CTNNA3: variants seen among roughly 807,000 people sequenced by gnomAD.
The protein encoded by CTNNA3 is catenin alpha 3, also known as catenin alpha-3.
Under a neutral mutation model 95.7 loss-of-function variants are expected in CTNNA3, and 76 were observed. That is an observed-to-expected ratio of 0.79 (90% CI 0.66 to 0.96). CTNNA3 has a LOEUF of 0.96. Among genes scored for constraint, CTNNA3 ranks in the 40% least tolerant of loss-of-function variants. The pLI, the probability that CTNNA3 is intolerant of heterozygous loss-of-function variation, is 0.00. For synonymous variants in CTNNA3, 431 were observed against 374.4 expected (o/e 1.15, Z -1.74); for missense variants, 1,191 against 1,089.8 (o/e 1.09, Z -1.31).
intron 15 of CTNNA3, among the ~76,000 whole-genome samples, chr10:66,055,585 A>G (rs911265228): frequency 6.6e-6 from 1 of 152,040 alleles, no homozygotes; most frequent in Non-Finnish European, 1.5e-5. Flanking sequence ...ACTTTACTGA[A>G]TTTATCAGAT....
chr10:67,141,769 C>T (rs1055537250), intron 7 of CTNNA3, among the ~76,000 whole-genome samples: 9 of 152,014 alleles, frequency 5.9e-5, no homozygotes, highest in Non-Finnish European at 8.8e-5. Flanking sequence ...TATAAGGTCA[C>T]GACTATAAAT....
chr10:66,080,163 A>G (rs1243678957), intron 14 of CTNNA3, among the ~76,000 whole-genome samples: 1 of 152,150 alleles, frequency 6.6e-6, no homozygotes. Flanking sequence ...CAAGAACTTC[A>G]TAAATTACTG....
intron 14 of CTNNA3, among the ~76,000 whole-genome samples, chr10:66,077,451 T>C (rs567644328): frequency 3.7e-4 from 56 of 151,966 alleles, no homozygotes; most frequent in African/African-American, 1.3e-3. Flanking sequence ...TCACCACTTT[T>C]CGGACTTTCC....
At chr10:66,485,713 G>T (rs1451017276) in intron 11 of CTNNA3, among the ~76,000 whole-genome samples, 2 of 152,000 alleles carry the variant, frequency 1.3e-5, no homozygotes, top group African/African-American at 4.8e-5. Flanking sequence ...AAATTCCAAT[G>T]GTATTTTTCA....
intron 13 of CTNNA3, among the ~76,000 whole-genome samples, chr10:66,107,051 C>T (rs115799664): frequency 0.012 from 1,886 of 152,164 alleles, 44 homozygotes; most frequent in African/African-American, 0.041. Flanking sequence ...TGTCTAACAG[C>T]GAAATTATCT....
chr10:66,507,619 CTTAT>C (rs1428312223), intron 11 of CTNNA3, among the ~76,000 whole-genome samples: 1 of 152,058 alleles, frequency 6.6e-6, no homozygotes, highest in Non-Finnish European at 1.5e-5. Flanking sequence ...CCACGTCTGA[CTTAT>C]TTTACTTAAC....
chr10:67,308,795 A>C (rs565127190), intron 5 of CTNNA3, among the ~76,000 whole-genome samples: 2 of 152,340 alleles, frequency 1.3e-5, no homozygotes, highest in South Asian at 4.1e-4. Flanking sequence ...GGAGCCAGGA[A>C]GTAAGTCACT....
chr10:67,602,013 A>T (rs1415775040), intron 3 of CTNNA3, among the ~76,000 whole-genome samples: 1 of 152,222 alleles, frequency 6.6e-6, no homozygotes, highest in African/African-American at 2.4e-5. Context: ...CATAAATTAT[A>T]GTATGTCTTT....
chr10:66,561,743 A>C (rs1047903936), intron 10 of CTNNA3, among the ~76,000 whole-genome samples: 1 of 152,058 alleles, frequency 6.6e-6, no homozygotes, highest in Non-Finnish European at 1.5e-5. Flanking sequence ...TAAAAACTTT[A>C]CCTAATGGAA....
intron 13 of CTNNA3, among the ~76,000 whole-genome samples, chr10:66,114,167 C>G (rs1237467075): frequency 6.6e-6 from 1 of 152,034 alleles, no homozygotes; most frequent in African/African-American, 2.4e-5. Flanking sequence ...AACTCTATAG[C>G]CAAATAAACT....
chr10:66,360,111 G>GCCAT (rs899868867), intron 12 of CTNNA3, among the ~76,000 whole-genome samples: 5 of 152,070 alleles, frequency 3.3e-5, no homozygotes, highest in Non-Finnish European at 7.4e-5. Context: ...ACAGGCATGA[G>GCCAT]CCATCGCACC....
intron 5 of CTNNA3, among the ~76,000 whole-genome samples, chr10:67,462,208 G>A (rs1260261651): frequency 2.0e-5 from 3 of 152,150 alleles, no homozygotes; most frequent in African/African-American, 7.2e-5. Context: ...AAGTGAAAAT[G>A]TCTAGAGTGG....
In CTNNA3 at chr10:67,097,961, ATTGTT is replaced by A. The variant is rs553277532; in HGVS notation, c.1047+82351_1047+82355del. The A allele has an allele frequency of 9.1e-4, 582 of 642,700 alleles. 3 individuals carry two copies. In the African/African-American group the frequency reaches 9.5e-3, roughly 10 times the overall value. 39.8% of individuals were successfully genotyped at this position (642,700 alleles called of 1,614,324 possible). Reference sequence around the variant, plus strand: ...GATTCATGAAATAAAGAAGACATGAATTGTTTTAAGTCTACACTTTGTAATTAGCT... The same window carrying A: ...GATTCATGAAATAAAGAAGACATGAATTAAGTCTACACTTTGTAATTAGCT... On this transcript the variant is annotated intron_variant, in intron 7 of 17. Coordinates refer to ENST00000433211, the MANE Select transcript of CTNNA3 (RefSeq NM_013266.4).
chr10:66,038,829 T>A (rs1243262786), intron 15 of CTNNA3, among the ~76,000 whole-genome samples: 1 of 152,106 alleles, frequency 6.6e-6, no homozygotes, highest in Non-Finnish European at 1.5e-5. Flanking sequence ...CCTTGAAAAC[T>A]AGCACAAGAA....
chr10:66,015,267 T>A (rs2079073245), intron 15 of CTNNA3, among the ~76,000 whole-genome samples: 1 of 152,160 alleles, frequency 6.6e-6, no homozygotes, highest in African/African-American at 2.4e-5. Context: ...CAACACCTAA[T>A]AGACTAGTCT....
In CTNNA3 at chr10:67,388,281, G is replaced by A. The variant is rs1159836916; in HGVS notation, c.579+133561C>T. On this transcript the variant is annotated intron_variant, in intron 5 of 17. Transcript: ENST00000433211. ...GAAGAATGCAGAAGCCTCAGGAGCC[G>A]ATGCGATCAACTGGAAGAAAGGGTA... Among the ~76,000 whole-genome samples the A allele has an allele frequency of 3.3e-3, 443 of 134,144 alleles. 4 individuals carry two copies. Among genetic ancestry groups the A allele is most frequent in the East Asian group, 0.016 (77 of 4,774 alleles). 88.0% of individuals were successfully genotyped at this position (134,144 alleles called of 152,430 possible).
intron 13 of CTNNA3, among the ~76,000 whole-genome samples, chr10:66,186,281 A>AGTGTGT (rs60910774): frequency 0.26 from 39,013 of 149,518 alleles, 5,863 homozygotes; most frequent in South Asian, 0.47. Flanking sequence ...ATAAAATGTG[A>AGTGTGT]GTGTGTGTGT....
chr10:66,026,951 C>G (rs1422471782), intron 15 of CTNNA3, among the ~76,000 whole-genome samples: 1 of 151,906 alleles, frequency 6.6e-6, no homozygotes, highest in Admixed American at 6.6e-5. Flanking sequence ...TATTTTTTCT[C>G]TTAAGTTCAG....
intron 11 of CTNNA3, among the ~76,000 whole-genome samples, chr10:66,403,691 C>A (rs1214832519): frequency 3.3e-5 from 5 of 152,054 alleles, no homozygotes. Flanking sequence ...CCAGTTTGGT[C>A]CTAAAACGGT....
Sources: gnomAD v4.1 joint callset for allele counts (sites outside exome capture counted in the v4.1 genomes callset) on GRCh38, gnomAD v4.1.1 for gene constraint, MANE v1.5 for transcripts, NCBI Gene and HGNC (gene_info 2026-07-23, HGNC 2026-07-21) for gene names.